The following GPATCH2L variants were observed in gnomAD, a reference collection of about 807,000 sequenced individuals.
GPATCH2L encodes the protein G patch domain-containing protein 2-like.
Under a neutral mutation model 57.4 loss-of-function variants are expected in GPATCH2L, and 31 were observed. The ratio of observed to expected loss-of-function variants is 0.54; its 90% CI spans 0.41 to 0.73. The LOEUF (loss-of-function observed/expected upper bound fraction) is 0.73, where lower values mean the gene tolerates loss of function less well. Ranked by LOEUF, GPATCH2L falls within the 30% of genes least tolerant of loss-of-function variation. The probability of loss-of-function intolerance (pLI) is 0.00; values close to 1 mark genes in which losing one functional copy is unlikely to be tolerated. For missense variants in GPATCH2L, 481 were observed against 599.9 expected (o/e 0.80, Z 2.07); for synonymous variants, 199 against 210.7 (o/e 0.94, Z 0.48).
rs1432357250 is a variant in GPATCH2L at position 76,166,734 on chromosome 14, T to C, written c.727+7T>C. On this transcript the variant is annotated splice_region_variant and intron_variant, in intron 3 of 9. Transcript: ENST00000261530. ...AATGATGAAGGGCGACAAGGTAATG[T>C]CGATCCCAGCTTTGGGACCTTGGTT... 1 of 1,586,816 alleles carries C rather than the reference T, an allele frequency of 6.3e-7. No homozygotes were observed. The highest frequency in any genetic ancestry group is 2.2e-5 in the East Asian group (1 of 44,738).
Position 76,210,721 on chromosome 14 carries a change from G to A in GPATCH2L, c.*8870G>A, listed in dbSNP as rs1331426079. The A allele has an allele frequency of 6.6e-6, 1 of 152,198 alleles. No homozygotes were observed. Among genetic ancestry groups the A allele is most frequent in the African/African-American group, 2.4e-5 (1 of 41,436 alleles). The allele number at this position is 152,198 out of a possible 1,614,324, so 9.4% of individuals were successfully genotyped here. On this transcript the variant is annotated 3_prime_UTR_variant, in exon 10 of 10. Coordinates refer to ENST00000261530, the MANE Select transcript of GPATCH2L (RefSeq NM_017926.4). ...GCACAACTGATTCCTAAGTGAGGGG[G>A]ATATGTGTTCTGAGATGTTAATGTT...
chr14:76,176,498 A>G, intron 5 of GPATCH2L, 125 bp from the exon 6 acceptor site: 1 of 677,392 alleles, frequency 1.5e-6, no homozygotes, highest in Non-Finnish European at 2.7e-6. Flanking sequence ...TTATTTTAAG[A>G]TTGACTTTTA....
At chr14:76,156,178 C>T (rs1352320556) in intron 2 of GPATCH2L, among the ~76,000 whole-genome samples, 2 of 152,218 alleles carry the variant, frequency 1.3e-5, no homozygotes, top group Non-Finnish European at 2.9e-5. Flanking sequence ...TTCCAAAGCT[C>T]ATTCTTAACC....
chr14:76,208,668 G>C lies in GPATCH2L; in HGVS notation c.*6817G>C, dbSNP rs1163342947. 2 of 152,480 alleles carry C rather than the reference G, an allele frequency of 1.3e-5. No individual in the cohort carries two copies. Among genetic ancestry groups the C allele is most frequent in the South Asian group, 2.1e-4 (1 of 4,830 alleles). 9.4% of individuals were successfully genotyped at this position (152,480 alleles called of 1,614,324 possible). A position where few individuals can be genotyped will look rare whatever the true frequency, so the allele number is the denominator to read the frequency against. ...GGACCTCTCCCTTGATAAATGACTT[G>C]ATCTAGCTACAGCCTCACACTCCTG... On this transcript the variant is annotated 3_prime_UTR_variant, in exon 10 of 10. Coordinates refer to ENST00000261530, the MANE Select transcript of GPATCH2L (RefSeq NM_017926.4).
At chr14:76,179,399 A>G (rs983402437) in intron 7 of GPATCH2L, 1 of 152,242 alleles carries the variant, frequency 6.6e-6, no homozygotes, top group Non-Finnish European at 1.5e-5. Flanking sequence ...AAAGTCATGA[A>G]GGTGGTATGT....
At chr14:76,167,491 C>T (rs916565026) in intron 3 of GPATCH2L, among the ~76,000 whole-genome samples, 1 of 152,178 alleles carries the variant, frequency 6.6e-6, no homozygotes, top group Non-Finnish European at 1.5e-5. Context: ...AAAGGACAGA[C>T]GTAGTGGCTA....
Position 76,201,888 on chromosome 14 carries a change from T to G in GPATCH2L, c.*37T>G, listed in dbSNP as rs752234170. 6 of 1,580,668 alleles carry G rather than the reference T, an allele frequency of 3.8e-6. No homozygotes were observed. In the African/African-American group the frequency reaches 8.2e-5, roughly 22 times the overall value. ...TCACCCTCCAGGAGCTGACTGGGTG[T>G]TGCTGAAGCAAATGTTGGACTTTGT... On this transcript the variant is annotated 3_prime_UTR_variant, in exon 10 of 10. Coordinates refer to ENST00000261530, the MANE Select transcript of GPATCH2L (RefSeq NM_017926.4).
intron 8 of GPATCH2L, among the ~76,000 whole-genome samples, chr14:76,187,002 G>A (rs1465761935): frequency 1.3e-5 from 2 of 149,214 alleles, no homozygotes. Flanking sequence ...AGCCTCCTCT[G>A]TTTCCTATGA....
intron 1 of GPATCH2L, among the ~76,000 whole-genome samples, chr14:76,224,192 A>G (rs377041716): frequency 6.6e-6 from 1 of 152,208 alleles, no homozygotes; most frequent in Non-Finnish European, 1.5e-5. Context: ...CCATAGAGAC[A>G]GATATTGCAG....
At chr14:76,179,057 T>G (rs1201358062) in intron 7 of GPATCH2L, 1 of 64,340 alleles carries the variant, frequency 1.6e-5, no homozygotes, top group Admixed American at 2.1e-4. Context: ...TGTTGTGGGT[T>G]TTTTTGTTTT....
intron 8 of GPATCH2L, among the ~76,000 whole-genome samples, chr14:76,183,314 GAA>G (rs917523796): frequency 2.6e-5 from 4 of 152,216 alleles, no homozygotes; most frequent in Non-Finnish European, 5.9e-5. Context: ...GACCATTGCT[GAA>G]AGCAAAGGAA....
chr14:76,198,991 G>A (rs1281233294), intron 9 of GPATCH2L, among the ~76,000 whole-genome samples: 2 of 152,042 alleles, frequency 1.3e-5, no homozygotes, highest in Non-Finnish European at 2.9e-5. Flanking sequence ...GGAGTCATAG[G>A]GCAAATTCTT....
At chr14:76,153,154 A>G (rs1270684639) in intron 1 of GPATCH2L, among the ~76,000 whole-genome samples, 1 of 152,254 alleles carries the variant, frequency 6.6e-6, no homozygotes, top group Non-Finnish European at 1.5e-5. Context: ...GTTCATTGGC[A>G]TAGGCACAGC....
chr14:76,152,639 G>A (rs1321887589), intron 1 of GPATCH2L: 1 of 455,924 alleles, frequency 2.2e-6, no homozygotes, highest in African/African-American at 2.0e-5. Context: ...GAGATGGGGA[G>A]TTCTAGGGTT....
At chr14:76,184,272 G>A (rs1484084604) in intron 8 of GPATCH2L, among the ~76,000 whole-genome samples, 2 of 152,194 alleles carry the variant, frequency 1.3e-5, no homozygotes, top group Non-Finnish European at 2.9e-5. Flanking sequence ...GTTCCTCAGG[G>A]AGTGCTTCCC....
chr14:76,222,928 C>T (rs1192823744), intron 1 of GPATCH2L, among the ~76,000 whole-genome samples: 1 of 150,330 alleles, frequency 6.7e-6, no homozygotes, highest in Non-Finnish European at 1.5e-5. Context: ...TGCACTCCAG[C>T]CTGGGCAACA....
chr14:76,160,874 C>T (rs1392128338), intron 2 of GPATCH2L, among the ~76,000 whole-genome samples: 2 of 152,156 alleles, frequency 1.3e-5, no homozygotes, highest in African/African-American at 4.8e-5. Context: ...AGGCACAGCC[C>T]CCAGCTCAAT....
rs1007552604 is a variant in GPATCH2L at position 76,211,978 on chromosome 14, G to A, written c.*10127G>A. 2 of 152,086 alleles carry A rather than the reference G, an allele frequency of 1.3e-5. No homozygotes were observed. Among genetic ancestry groups the A allele is most frequent in the Admixed American group, 1.3e-4 (2 of 15,266 alleles). The allele number at this position is 152,086 out of a possible 1,614,324, so 9.4% of individuals were successfully genotyped here. ...ACATAGAAATAAGAAAGTGACTTAT[G>A]TTCCATTATTAAAATAGTATAGGGA... On this transcript the variant is annotated 3_prime_UTR_variant, in exon 10 of 10. Coordinates refer to ENST00000261530, the MANE Select transcript of GPATCH2L (RefSeq NM_017926.4).
chr14:76,171,224 G>A (rs540213897), intron 3 of GPATCH2L, among the ~76,000 whole-genome samples: 1 of 151,364 alleles, frequency 6.6e-6, no homozygotes, highest in East Asian at 2.0e-4. Flanking sequence ...CTTGAGCCCA[G>A]GAGTTCAAGA....
Sources: gnomAD v4.1 joint callset for allele counts (sites outside exome capture counted in the v4.1 genomes callset) on GRCh38, gnomAD v4.1.1 for gene constraint, MANE v1.5 for transcripts, NCBI Gene and HGNC (gene_info 2026-07-23, HGNC 2026-07-21) for gene names.